FRMPD4: variants seen among roughly 807,000 people sequenced by gnomAD.
FRMPD4 encodes FERM and PDZ domain containing 4.
A neutral mutation model predicts 94.1 loss-of-function variants in FRMPD4; 22 were observed. That is an observed-to-expected ratio of 0.23 (90% CI 0.17 to 0.33). FRMPD4 has a LOEUF of 0.33. Among genes scored for constraint, FRMPD4 ranks in the 10% least tolerant of loss-of-function variants. The probability of loss-of-function intolerance (pLI) is 1.00; values close to 1 mark genes in which losing one functional copy is unlikely to be tolerated. For synonymous variants in FRMPD4, 631 were observed against 548.6 expected (o/e 1.15, Z -2.10); for missense variants, 1,111 against 1,339.9 (o/e 0.83, Z 2.67).
At chrX:12,378,053 C>T (rs1853802289) in intron 1 of FRMPD4, among the ~76,000 whole-genome samples, 2 of 111,927 alleles carry the variant, frequency 1.8e-5, no homozygotes, top group Admixed American at 1.9e-4. Context: ...CAGTGCGCAC[C>T]CAAGGTACGT....
At chrX:12,415,122 C>G (rs1422238940) in intron 1 of FRMPD4, among the ~76,000 whole-genome samples, 1 of 110,474 alleles carries the variant, frequency 9.1e-6, no homozygotes, top group Non-Finnish European at 1.9e-5. Flanking sequence ...TCCATGTAAG[C>G]CATTCTAGAT....
intron 1 of FRMPD4, among the ~76,000 whole-genome samples, chrX:12,334,870 G>A (rs2055492115): frequency 9.0e-6 from 1 of 111,142 alleles, no homozygotes; most frequent in South Asian, 3.8e-4. Flanking sequence ...CTGTGAAAAT[G>A]CATCTTTTAA....
intron 3 of FRMPD4, among the ~76,000 whole-genome samples, chrX:11,961,052 T>C (rs1000746903): frequency 2.7e-5 from 3 of 112,223 alleles, no homozygotes; most frequent in African/African-American, 9.7e-5. Flanking sequence ...TTTTTTCTCT[T>C]GCCCTTGGAA....
chrX:12,141,542 A>G (rs773689923), intron 1 of FRMPD4, among the ~76,000 whole-genome samples: 2 of 110,490 alleles, frequency 1.8e-5, no homozygotes, highest in African/African-American at 3.3e-5. Context: ...ATCGTGGGAA[A>G]AATCAGAATT....
chrX:11,932,501 G>A (rs1466808578), intron 3 of FRMPD4, among the ~76,000 whole-genome samples: 3 of 110,891 alleles, frequency 2.7e-5, no homozygotes, highest in Non-Finnish European at 5.7e-5. Context: ...GCATACAGAA[G>A]TCATATCAAA....
intron 3 of FRMPD4, among the ~76,000 whole-genome samples, chrX:11,913,892 A>G (rs1277629147): frequency 8.9e-6 from 1 of 112,082 alleles, no homozygotes; most frequent in Non-Finnish European, 1.9e-5. Context: ...TGCCTGGTCA[A>G]GTTTCCTGTT....
chrX:12,586,072 A>C (rs1375120783), intron 2 of FRMPD4, among the ~76,000 whole-genome samples: 1 of 112,705 alleles, frequency 8.9e-6, no homozygotes, highest in Middle Eastern at 4.2e-3. Context: ...TTCAAGAAAT[A>C]TGCATTGTAG....
chrX:11,968,540 C>G (rs774842047), intron 3 of FRMPD4, among the ~76,000 whole-genome samples: 1 of 111,489 alleles, frequency 9.0e-6, no homozygotes, highest in African/African-American at 3.3e-5. Flanking sequence ...GCACTCTCCC[C>G]CTAGCGACCA....
chrX:12,349,138 G>A (rs999829871), intron 1 of FRMPD4, among the ~76,000 whole-genome samples: 51 of 111,699 alleles, frequency 4.6e-4, no homozygotes, highest in Admixed American at 9.5e-5. Flanking sequence ...GAGTCACTCA[G>A]ACATGCAGTG....
intron 3 of FRMPD4, among the ~76,000 whole-genome samples, chrX:12,123,731 T>C (rs1486504221): frequency 9.0e-6 from 1 of 111,417 alleles, no homozygotes; most frequent in African/African-American, 3.3e-5. Context: ...CCCTTCTTAT[T>C]AGTTGTGACA....
chrX:11,894,861 A>T (rs1361028996), intron 3 of FRMPD4, among the ~76,000 whole-genome samples: 1 of 111,927 alleles, frequency 8.9e-6, no homozygotes, highest in Non-Finnish European at 1.9e-5. Context: ...TTCAAAGTGA[A>T]AGATAATTTA....
At chrX:12,496,062 C>T (rs2057846755) in intron 1 of FRMPD4, among the ~76,000 whole-genome samples, 1 of 111,857 alleles carries the variant, frequency 8.9e-6, no homozygotes, top group Non-Finnish European at 1.9e-5. Context: ...AGATCTCAGC[C>T]GAAGCTTGGG....
At chrX:12,682,774 C>T (rs942824234) in intron 5 of FRMPD4, among the ~76,000 whole-genome samples, 1 of 111,836 alleles carries the variant, frequency 8.9e-6, no homozygotes, top group African/African-American at 3.3e-5. Flanking sequence ...TGCCACATTG[C>T]CCCTCTTTCT....
chrX:12,162,673 T>G (rs779590229), intron 1 of FRMPD4, among the ~76,000 whole-genome samples: 17 of 111,800 alleles, frequency 1.5e-4, no homozygotes, highest in African/African-American at 5.5e-4. Context: ...CTTTCAGATT[T>G]ACGCAGCATC....
intron 1 of FRMPD4, among the ~76,000 whole-genome samples, chrX:12,370,570 T>C (rs1209471507): frequency 8.9e-6 from 1 of 111,965 alleles, no homozygotes; most frequent in Non-Finnish European, 1.9e-5. Context: ...GGGCAGTGTC[T>C]CTCTCCAAGA....
chrX:12,269,445 T>A (rs2054322032), intron 1 of FRMPD4, among the ~76,000 whole-genome samples: 1 of 112,174 alleles, frequency 8.9e-6, no homozygotes, highest in Non-Finnish European at 1.9e-5. Flanking sequence ...CGGGAATCAG[T>A]TTTTTGAAAC....
intron 1 of FRMPD4, among the ~76,000 whole-genome samples, chrX:12,184,205 C>A (rs967705881): frequency 4.5e-5 from 5 of 110,686 alleles, no homozygotes; most frequent in African/African-American, 1.6e-4. Context: ...TTAAAATTTC[C>A]TACTGCTTTA....
intron 2 of FRMPD4, chrX:12,583,374 G>A (rs1345665979): frequency 2.3e-6 from 2 of 888,748 alleles, no homozygotes; most frequent in Non-Finnish European, 3.2e-6. Flanking sequence ...CGGCTGAGAC[G>A]GCCGGTCCAG....
chrX:12,074,276 T>C (rs1404268773), intron 3 of FRMPD4, among the ~76,000 whole-genome samples: 4 of 111,695 alleles, frequency 3.6e-5, no homozygotes, highest in African/African-American at 6.5e-5. Flanking sequence ...AACTCCAAAA[T>C]TGAGAAGGAG....
Sources: allele counts gnomAD v4.1 joint callset (sites outside exome capture counted in the v4.1 genomes callset), GRCh38; gene constraint gnomAD v4.1.1; transcripts MANE v1.5; gene names NCBI Gene and HGNC (gene_info 2026-07-23, HGNC 2026-07-21).